PWWP3A: variants seen among roughly 807,000 people sequenced by gnomAD.
PWWP3A encodes the protein PWWP domain containing 3A, DNA repair factor.
PWWP3A carries 53 observed loss-of-function variants against 79.0 expected under a neutral mutation model. The ratio of observed to expected loss-of-function variants is 0.67; its 90% CI spans 0.54 to 0.84. PWWP3A has a LOEUF of 0.84. Ranked by LOEUF, PWWP3A falls within the 40% of genes least tolerant of loss-of-function variation. The probability of loss-of-function intolerance (pLI) is 0.00; values close to 1 mark genes in which losing one functional copy is unlikely to be tolerated. For synonymous variants in PWWP3A, 443 were observed against 394.4 expected (o/e 1.12, Z -1.46); for missense variants, 973 against 948.0 (o/e 1.03, Z -0.35).
At position 1,367,226 on chromosome 19, in the gene PWWP3A, TG is replaced by T; in HGVS notation, c.1422+8del. 1 of 1,611,486 alleles carries T rather than the reference TG, an allele frequency of 6.2e-7. No individual in the cohort carries two copies. The highest frequency in any genetic ancestry group is 8.5e-7 in the Non-Finnish European group (1 of 1,178,462). The stretch of plus-strand genomic sequence containing the variant: ...AAGAGAAACAGACGCTTCTGGTAGG[TG>T]GATGATGTTTTGTGCTTGCTTTAAA... On this transcript the variant is annotated splice_region_variant and intron_variant, in intron 9 of 13. Coordinates refer to ENST00000591337, the MANE Select transcript of PWWP3A (RefSeq NM_001369789.1).
intron 11 of PWWP3A, among the ~76,000 whole-genome samples, chr19:1,370,059 A>G (rs1329038470): frequency 2.0e-5 from 3 of 152,160 alleles, no homozygotes; most frequent in Admixed American, 1.3e-4. Flanking sequence ...GCAAGACCCC[A>G]TCTCTACAGA....
chr19:1,376,657 GC>G lies in PWWP3A; in HGVS notation c.*82del, dbSNP rs2082410143. 7.1e-7 allele frequency: 1 copy of G among 1,403,204 alleles called. No homozygotes were observed. The highest frequency in any genetic ancestry group is 1.4e-5 in the African/African-American group (1 of 69,924). 86.9% of individuals were successfully genotyped at this position (1,403,204 alleles called of 1,614,324 possible). A position where few individuals can be genotyped will look rare whatever the true frequency, so the allele number is the denominator to read the frequency against. On this transcript the variant is annotated 3_prime_UTR_variant, in exon 14 of 14. Coordinates refer to ENST00000591337, the MANE Select transcript of PWWP3A (RefSeq NM_001369789.1). ...GCATGAGCGTGTCTGAAGATGGGGG[GC>G]TCAGGGGGCACGTTTGCGTTTGGAC...
In PWWP3A at chr19:1,364,562, C is replaced by T. The variant is rs1275398581; in HGVS notation, c.1267C>T (p.Pro423Ser). ...AGTCTGGCATAAACATAAAAAATAC[C>T]CCTTCTGGCCAGCAGTGGTAAGAAC... ...MLVWHKHKKY[P>S]FWPAVVKSVR... The change falls in exon 7 of 14, where the codon CCC (proline) becomes TCC (serine). Residue 423 changes from proline to serine, a missense_variant. By Grantham distance (74) the Pro-to-Ser change is moderately conservative. Coordinates refer to ENST00000591337, the MANE Select transcript of PWWP3A (RefSeq NM_001369789.1). The T allele has an allele frequency of 1.9e-6, 3 of 1,607,868 alleles. No homozygotes were observed. The highest frequency in any genetic ancestry group is 1.3e-5 in the African/African-American group (1 of 74,390).
In PWWP3A at chr19:1,369,308, T is replaced by A. The variant is rs745730789; in HGVS notation, c.1466T>A (p.Val489Asp). The change falls in exon 10 of 14, where the codon GTC becomes GAC. Residue 489 changes from valine (V) to aspartate (D), a missense_variant. By Grantham distance (152) the Val-to-Asp change is radical. Transcript: ENST00000591337. This position sits in a 1 kb window ranked among gnomAD's most constrained non-coding sequence, Gnocchi z 4.0. The part of the protein sequence containing the change: ...EDFNQDIGWC[V>D]SLITDYRVRL... The stretch of plus-strand genomic sequence containing the variant: ...TTCAACCAGGACATCGGCTGGTGTG[T>A]CTCCCTCATCACCGACTACAGGGTC... 2 of 1,613,974 alleles carry A rather than the reference T, an allele frequency of 1.2e-6. No individual in the cohort carries two copies. Among genetic ancestry groups the A allele is most frequent in the Non-Finnish European group, 1.7e-6 (2 of 1,180,008 alleles).
chr19:1,375,893 C>CCCCT (rs2082380617), intron 13 of PWWP3A, among the ~76,000 whole-genome samples: 1 of 148,918 alleles, frequency 6.7e-6, no homozygotes, highest in Non-Finnish European at 1.5e-5. Flanking sequence ...GCAACCCCCC[C>CCCCT]ACCGTGCCTT....
chr19:1,371,161 G>T, intron 12 of PWWP3A, 83 bp downstream of exon 12: 19 of 1,471,948 alleles, frequency 1.3e-5, no homozygotes, highest in Non-Finnish European at 1.7e-5. Context: ...GGCTGCCACG[G>T]TCCTCGCCCC....
Position 1,369,211 on chromosome 19 carries a change from C to T in PWWP3A, c.1423-54C>T. 6.3e-7 allele frequency: 1 copy of T among 1,577,394 alleles called. No individual in the cohort carries two copies. The highest frequency in any genetic ancestry group is 2.2e-5 in the East Asian group (1 of 44,470). On this transcript the variant is annotated intron_variant, in intron 9 of 13. Transcript: ENST00000591337. This position sits in a 1 kb window ranked among gnomAD's most constrained non-coding sequence, Gnocchi z 4.0. ...CTGGGCTCTGCGTGGCTTCTGAACC[C>T]AGGGTGCTTGGCACTGCCTCCCACT...
chr19:1,356,872 T>C (rs2081883945), intron 2 of PWWP3A, 137 bp from the exon 3 acceptor site: 7 of 674,320 alleles, frequency 1.0e-5, no homozygotes, highest in Non-Finnish European at 1.5e-5. Context: ...TGTGAAACAA[T>C]GGGGATTGGA....
intron 5 of PWWP3A, 112 bp from the exon 6 acceptor site, chr19:1,362,138 C>T (rs997196368): frequency 7.4e-6 from 6 of 814,586 alleles, no homozygotes; most frequent in East Asian, 2.7e-5. Context: ...TTGTGTATAG[C>T]ATGGAACCTT....
chr19:1,358,512 G>A, intron 4 of PWWP3A, 48 bp downstream of exon 4: 1 of 1,608,728 alleles, frequency 6.2e-7, no homozygotes, highest in Non-Finnish European at 8.5e-7. Flanking sequence ...AAAATAAGAG[G>A]TCATTTGGGA....
chr19:1,361,093 G>C (rs2082005308), intron 5 of PWWP3A, 61 bp downstream of exon 5: 2 of 1,353,220 alleles, frequency 1.5e-6, no homozygotes, highest in Admixed American at 3.7e-5. Flanking sequence ...TCCGCAGCCA[G>C]ACTGGGAGCC....
In PWWP3A at chr19:1,360,977, C is replaced by T. The variant is rs762716218; in HGVS notation, c.1056C>T (p.Ala352=). 7 of 1,458,682 alleles carry T rather than the reference C, an allele frequency of 4.8e-6. No homozygotes were observed. The South Asian group carries it at 5.8e-5, about 12-fold the overall frequency. The allele number at this position is 1,458,682 out of a possible 1,614,324, so 90.4% of individuals were successfully genotyped here. A position where few individuals can be genotyped will look rare whatever the true frequency, so the allele number is the denominator to read the frequency against. Residue 352 remains alanine (A), a synonymous_variant, in exon 5 of 14, where the codon GCC becomes GCT. Transcript: ENST00000591337. The surrounding 1 kb of genome is among the most constrained non-coding windows in gnomAD (Gnocchi z 4.4). The part of the protein sequence containing the change: ...TARLGPPPSH[A]SADATRCLPC... ...GGCTGGGCCCGCCTCCCTCCCACGC[C>T]TCTGCGGATGCAACCAGATGTCTTC...
intron 9 of PWWP3A, among the ~76,000 whole-genome samples, chr19:1,367,928 T>A (rs1284655273): frequency 6.6e-6 from 1 of 151,944 alleles, no homozygotes; most frequent in East Asian, 1.9e-4. Context: ...TGAGTTACTT[T>A]CTTTTGTTTT....
At chr19:1,376,371 G>A in intron 13 of PWWP3A, 148 bp from the exon 14 acceptor site, 1 of 466,452 alleles carries the variant, frequency 2.1e-6, no homozygotes, top group East Asian at 4.5e-5. Flanking sequence ...AGCCAGGATG[G>A]TCCTGATCTC....
intron 7 of PWWP3A, 140 bp downstream of exon 7, chr19:1,364,719 T>A (rs1489410433): frequency 2.6e-6 from 2 of 774,160 alleles, no homozygotes; most frequent in African/African-American, 3.5e-5. Flanking sequence ...AGTTGGTGGG[T>A]TTTTAGAAAA....
chr19:1,375,481 TTA>T lies in PWWP3A; in HGVS notation c.2076-1033_2076-1032del, dbSNP rs1254255347. 3.1e-5 allele frequency among the ~76,000 whole-genome samples: 4 copies of T among 129,956 alleles called. No individual in the cohort carries two copies. The East Asian group carries it at 6.1e-4, about 20-fold the overall frequency. 85.3% of individuals were successfully genotyped at this position (129,956 alleles called of 152,430 possible). On this transcript the variant is annotated intron_variant, in intron 13 of 13. Transcript: ENST00000591337. ...ATGTATATTATATAAAATTTATATA[TTA>T]TATAAAATATATAAATTTTATATAT...
Position 1,360,123 on chromosome 19 carries a change from T to G in PWWP3A, c.215-13T>G, listed in dbSNP as rs1826820110. On this transcript the variant is annotated splice_polypyrimidine_tract_variant and intron_variant, in intron 4 of 13. Transcript: ENST00000591337. This position sits in a 1 kb window ranked among gnomAD's most constrained non-coding sequence, Gnocchi z 4.4. Reference sequence around the variant, plus strand: ...TGAACGTAACCGGCATTGTGTATGTTCGGTCCTTGCAGCCTCACAGAATGA... The same window carrying G: ...TGAACGTAACCGGCATTGTGTATGTGCGGTCCTTGCAGCCTCACAGAATGA... The G allele has an allele frequency of 1.3e-6, 2 of 1,538,890 alleles. No homozygotes were observed. The highest frequency in any genetic ancestry group is 1.7e-6 in the Non-Finnish European group (2 of 1,145,266).
Position 1,367,165 on chromosome 19 carries a change from C to T in PWWP3A, c.1367C>T (p.Thr456Ile). 4 of 1,612,004 alleles carry T rather than the reference C, an allele frequency of 2.5e-6. No individual in the cohort carries two copies. Among genetic ancestry groups the T allele is most frequent in the Non-Finnish European group, 3.4e-6 (4 of 1,178,944 alleles). The change falls in exon 9 of 14, where the codon ACA becomes ATA. Residue 456 changes from threonine (T) to isoleucine (I), a missense_variant. Coordinates refer to ENST00000591337, the MANE Select transcript of PWWP3A (RefSeq NM_001369789.1). Reference protein sequence around the residue: ...GHMNPKMKGFTVSLKSLKHFD... With the variant: ...GHMNPKMKGFIVSLKSLKHFD... Reference sequence around the variant, plus strand: ...TTCCCTCTCTCTGCTTCAAGTTTCACAGTGTCTCTTAAAAGTTTAAAGCAC... The same window carrying T: ...TTCCCTCTCTCTGCTTCAAGTTTCATAGTGTCTCTTAAAAGTTTAAAGCAC...
At position 1,364,164 on chromosome 19, in the gene PWWP3A, C is replaced by T. The variant is rs151043832; in HGVS notation, c.1214-345C>T. 3,765 of 541,736 alleles carry T rather than the reference C, an allele frequency of 6.9e-3. 28 individuals carry two copies. The highest frequency in any genetic ancestry group is 0.011 in the Non-Finnish European group (3,095 of 275,580). 33.6% of individuals were successfully genotyped at this position (541,736 alleles called of 1,614,324 possible). A position where few individuals can be genotyped will look rare whatever the true frequency, so the allele number is the denominator to read the frequency against. ...CACACTCTTTAAAAGTGTCTTCCCG[C>T]GGGGTTTAGAGTTAGGAAAGTCGCG... On this transcript the variant is annotated intron_variant, in intron 6 of 13. Transcript: ENST00000591337.
Sources: gnomAD v4.1 joint callset for allele counts (sites outside exome capture counted in the v4.1 genomes callset) on GRCh38, gnomAD v4.1.1 for gene constraint, Gnocchi (gnomAD v3.1) non-coding constraint, MANE v1.5 for transcripts, NCBI Gene and HGNC (gene_info 2026-07-23, HGNC 2026-07-21) for gene names.